SDK1: variants seen among roughly 807,000 people sequenced by gnomAD.
SDK1 encodes the protein sidekick cell adhesion molecule 1.
A neutral mutation model predicts 245.5 loss-of-function variants in SDK1; 157 were observed. That is an observed-to-expected ratio of 0.64 (90% CI 0.56 to 0.73). SDK1 has a LOEUF of 0.73. Among genes scored for constraint, SDK1 ranks in the 30% least tolerant of loss-of-function variants. The pLI, the probability that SDK1 is intolerant of heterozygous loss-of-function variation, is 0.00. For synonymous variants in SDK1, 1,647 were observed against 1,278.5 expected (o/e 1.29, Z -6.15); for missense variants, 3,583 against 3,002.3 (o/e 1.19, Z -4.52).
intron 5 of SDK1, among the ~76,000 whole-genome samples, chr7:3,912,861 C>A (rs1443507553): frequency 1.3e-5 from 2 of 151,958 alleles, no homozygotes; most frequent in Non-Finnish European, 2.9e-5. Context: ...GATTTCTAGT[C>A]CTTAACCAAA....
At chr7:3,482,046 TAAAGA>T (rs1482285391) in intron 1 of SDK1, among the ~76,000 whole-genome samples, 2 of 151,970 alleles carry the variant, frequency 1.3e-5, no homozygotes, top group Non-Finnish European at 2.9e-5. Flanking sequence ...AAACATCTAT[TAAAGA>T]AAAAAGGCAA....
At chr7:3,824,146 A>G (rs1009667392) in intron 5 of SDK1, among the ~76,000 whole-genome samples, 2 of 152,084 alleles carry the variant, frequency 1.3e-5, no homozygotes, top group Non-Finnish European at 2.9e-5. Flanking sequence ...GGTGTGATGT[A>G]TTGAAGGATG....
intron 5 of SDK1, among the ~76,000 whole-genome samples, chr7:3,945,042 AG>A (rs1780518913): frequency 6.6e-6 from 1 of 152,220 alleles, no homozygotes; most frequent in South Asian, 2.1e-4. Context: ...TGAGCTTCGG[AG>A]GCAGAGTTTG....
intron 1 of SDK1, among the ~76,000 whole-genome samples, chr7:3,503,584 G>A (rs1262755249): frequency 6.6e-6 from 1 of 152,104 alleles, no homozygotes; most frequent in Non-Finnish European, 1.5e-5. Flanking sequence ...GGCTGAGGTG[G>A]GAGGAACACT....
In SDK1 at chr7:4,207,902, A is replaced by C. The variant is rs144155361; in HGVS notation, c.5215-197A>C. On this transcript the variant is annotated intron_variant, in intron 36 of 44. Coordinates refer to ENST00000404826, the MANE Select transcript of SDK1 (RefSeq NM_152744.4). ...ACATCGTCTCCCAAACAACATTAGC[A>C]GCCAGGGGTCCCCGTCCATACACAG... is the stretch of plus-strand genomic sequence containing the variant. 9.5e-3 allele frequency among the ~76,000 whole-genome samples: 1,452 copies of C among 152,250 alleles called. 24 individuals are homozygous for C. Among genetic ancestry groups the C allele is most frequent in the African/African-American group, 0.033 (1,390 of 41,556 alleles).
Position 3,827,001 on chromosome 7 carries a change from A to G in SDK1, c.847+5418A>G, listed in dbSNP as rs1386691467. On this transcript the variant is annotated intron_variant, in intron 5 of 44. Transcript: ENST00000404826. ...CAAAACCGGATGGTTTCTATTGCCC[A>G]CTCATGCCTCCTTCACCATATCCCC... Among the ~76,000 whole-genome samples the G allele has an allele frequency of 3.3e-5, 5 of 152,010 alleles. No homozygotes were observed. The South Asian group carries it at 1.0e-3, about 32-fold the overall frequency.
intron 7 of SDK1, chr7:3,952,186 A>ACC: frequency 2.1e-6 from 1 of 479,434 alleles, no homozygotes; most frequent in South Asian, 2.4e-5. Context: ...TAGAGCGGTG[A>ACC]AACCCCTGTC....
intron 28 of SDK1, among the ~76,000 whole-genome samples, chr7:4,138,321 T>G (rs1302244988): frequency 6.6e-6 from 1 of 152,186 alleles, no homozygotes; most frequent in Non-Finnish European, 1.5e-5. Context: ...AGTGCACTAT[T>G]AAACAGTCAT....
chr7:4,194,375 T>TGTATACATATATGTATGCAC (rs1783447976), intron 35 of SDK1, among the ~76,000 whole-genome samples: 1 of 96,982 alleles, frequency 1.0e-5, no homozygotes, highest in African/African-American at 5.2e-5. Context: ...TGTGTATACA[T>TGTATACATATATGTATGCAC]GTATGTGTAT....
At position 4,221,314 on chromosome 7, in the gene SDK1, ACT is replaced by A; in HGVS notation, c.5780_5781del (p.Ser1927TrpfsTer17). 1 of 1,613,322 alleles carries A rather than the reference ACT, an allele frequency of 6.2e-7. No individual in the cohort carries two copies. Among genetic ancestry groups the A allele is most frequent in the Non-Finnish European group, 8.5e-7 (1 of 1,179,832 alleles). ...CTGACGCTGCAGTGGACTGAGGGACACTCTGGCGACACACCTACCACGGGCTA... is the reference window on the plus strand; with the variant it reads ...CTGACGCTGCAGTGGACTGAGGGACACTGGCGACACACCTACCACGGGCTA... On this transcript the variant is annotated frameshift_variant, in exon 40 of 45. Transcript: ENST00000404826. LOFTEE classifies it high-confidence loss of function.
At chr7:3,880,537 C>A (rs529277478) in intron 5 of SDK1, among the ~76,000 whole-genome samples, 2 of 145,696 alleles carry the variant, frequency 1.4e-5, no homozygotes, top group African/African-American at 5.2e-5. Context: ...AAAACAATGC[C>A]CTGGTCTTTT....
intron 25 of SDK1, among the ~76,000 whole-genome samples, chr7:4,118,553 C>T (rs945991091): frequency 4.6e-5 from 7 of 152,112 alleles, no homozygotes; most frequent in Admixed American, 2.0e-4. Flanking sequence ...AGTCACCATA[C>T]GACAAAGCAA....
At chr7:3,993,731 C>A (rs1384331897) in intron 14 of SDK1, among the ~76,000 whole-genome samples, 1 of 152,250 alleles carries the variant, frequency 6.6e-6, no homozygotes, top group East Asian at 1.9e-4. Context: ...TATTTCCTCT[C>A]TGTGTTCTGT....
At chr7:3,557,214 C>T (rs958312379) in intron 1 of SDK1, among the ~76,000 whole-genome samples, 3 of 152,034 alleles carry the variant, frequency 2.0e-5, no homozygotes, top group South Asian at 2.1e-4. Flanking sequence ...GTAACAAAAT[C>T]GAGAGGAAAA....
chr7:3,636,256 T>G (rs1222153937), intron 2 of SDK1, among the ~76,000 whole-genome samples: 1 of 152,170 alleles, frequency 6.6e-6, no homozygotes, highest in Non-Finnish European at 1.5e-5. Flanking sequence ...TAGTAAACTT[T>G]AAAATATGTG....
At chr7:4,091,335 T>TTTTCTTTTTTA (rs60924958) in intron 22 of SDK1, among the ~76,000 whole-genome samples, 1 of 93,320 alleles carries the variant, frequency 1.1e-5, no homozygotes, top group Non-Finnish European at 2.0e-5. Context: ...TTTTCTTTTC[T>TTTTCTTTTTTA]TTTTTTTTTT....
At chr7:4,010,426 T>C (rs1207720550) in intron 14 of SDK1, among the ~76,000 whole-genome samples, 1 of 152,236 alleles carries the variant, frequency 6.6e-6, no homozygotes, top group Admixed American at 6.5e-5. Context: ...TGAATTTCAT[T>C]ACGCCTCTCT....
chr7:4,010,819 C>A, intron 14 of SDK1, 147 bp from the exon 15 acceptor site: 2 of 805,724 alleles, frequency 2.5e-6, no homozygotes, highest in Non-Finnish European at 3.8e-6. Flanking sequence ...TCAGTTTCCA[C>A]ACCTGCTAAA....
At chr7:4,058,117 CAGATA>C (rs1213248113) in intron 19 of SDK1, among the ~76,000 whole-genome samples, 1 of 151,556 alleles carries the variant, frequency 6.6e-6, no homozygotes, top group East Asian at 1.9e-4. Context: ...TAAGGAAAGT[CAGATA>C]AAAGAGACAC....
Sources: gnomAD v4.1 joint callset for allele counts (sites outside exome capture counted in the v4.1 genomes callset) on GRCh38, gnomAD v4.1.1 for gene constraint, MANE v1.5 for transcripts, NCBI Gene and HGNC (gene_info 2026-07-23, HGNC 2026-07-21) for gene names.